Variants in DPYD observed in about 807,000 individuals in gnomAD.
DPYD encodes the protein dihydropyrimidine dehydrogenase [NADP(+)].
A neutral mutation model predicts 116.2 loss-of-function variants in DPYD; 109 were observed. The observed-to-expected ratio is 0.94, with a 90% CI of 0.80 to 1.10. The LOEUF is 1.10. Among genes scored for constraint, DPYD ranks in the 50% least tolerant of loss-of-function variants. The pLI is 0.00. For synonymous variants in DPYD, 440 were observed against 432.0 expected (o/e 1.02, Z -0.23); for missense variants, 1,302 against 1,254.5 (o/e 1.04, Z -0.57).
intron 12 of DPYD, among the ~76,000 whole-genome samples, chr1:97,522,908 T>A (rs1648789308): frequency 6.6e-6 from 1 of 152,198 alleles, no homozygotes; most frequent in Non-Finnish European, 1.5e-5. Flanking sequence ...TTATTTTTAA[T>A]ACAAAATGCT....
intron 8 of DPYD, among the ~76,000 whole-genome samples, chr1:97,629,923 A>G (rs1015851828): frequency 4.6e-5 from 7 of 152,102 alleles, no homozygotes; most frequent in Non-Finnish European, 1.0e-4. Context: ...TTTCTAAAAT[A>G]TCATAATTTC....
chr1:97,530,672 T>C (rs924080549), intron 12 of DPYD, among the ~76,000 whole-genome samples: 13 of 152,174 alleles, frequency 8.5e-5, no homozygotes, highest in Non-Finnish European at 1.5e-4. Flanking sequence ...CATATGATAG[T>C]TCTATTTTAA....
chr1:97,327,475 C>A (rs921273076), intron 16 of DPYD, among the ~76,000 whole-genome samples: 1 of 151,764 alleles, frequency 6.6e-6, no homozygotes, highest in East Asian at 1.9e-4. Flanking sequence ...GAAGCAAATA[C>A]CAACTTGAAT....
chr1:97,196,353 C>G (rs1478180941), intron 19 of DPYD, among the ~76,000 whole-genome samples: 1 of 152,052 alleles, frequency 6.6e-6, no homozygotes, highest in Non-Finnish European at 1.5e-5. Context: ...TGAGCTCAAG[C>G]AATCCGCCCA....
At chr1:97,689,548 C>T (rs1660903439) in intron 7 of DPYD, among the ~76,000 whole-genome samples, 1 of 151,972 alleles carries the variant, frequency 6.6e-6, no homozygotes, top group Non-Finnish European at 1.5e-5. Context: ...TACATACATA[C>T]ATATATAAGA....
chr1:97,874,860 GAT>G (rs1323109372), intron 2 of DPYD, among the ~76,000 whole-genome samples: 2 of 151,818 alleles, frequency 1.3e-5, no homozygotes, highest in Non-Finnish European at 2.9e-5. Context: ...AGATTTTTAA[GAT>G]ATGTTATTTT....
chr1:97,439,411 T>C (rs1421350596), intron 14 of DPYD, among the ~76,000 whole-genome samples: 1 of 152,232 alleles, frequency 6.6e-6, no homozygotes, highest in Non-Finnish European at 1.5e-5. Flanking sequence ...TTTTCTCTAA[T>C]GTTATCTATT....
At chr1:97,829,145 T>C (rs1669398529) in intron 2 of DPYD, among the ~76,000 whole-genome samples, 1 of 151,808 alleles carries the variant, frequency 6.6e-6, no homozygotes, top group Non-Finnish European at 1.5e-5. Context: ...GTATTACTTA[T>C]TTTTACAGAA....
chr1:97,628,161 A>C (rs1182003569), intron 8 of DPYD, among the ~76,000 whole-genome samples: 1 of 152,048 alleles, frequency 6.6e-6, no homozygotes, highest in African/African-American at 2.4e-5. Flanking sequence ...TCCTCTGATA[A>C]GTACTTGTTT....
At chr1:97,341,427 C>T (rs1002855132) in intron 16 of DPYD, among the ~76,000 whole-genome samples, 8 of 152,158 alleles carry the variant, frequency 5.3e-5, no homozygotes, top group Admixed American at 1.3e-4. Flanking sequence ...CCTTCTCTCT[C>T]CTAAAGTAAT....
intron 16 of DPYD, among the ~76,000 whole-genome samples, chr1:97,347,672 T>G (rs1669926430): frequency 6.6e-6 from 1 of 152,074 alleles, no homozygotes; most frequent in Admixed American, 6.6e-5. Context: ...TTTTATTGAC[T>G]GATTGTTTTT....
intron 1 of DPYD, among the ~76,000 whole-genome samples, chr1:97,912,252 G>A (rs921795363): frequency 1.2e-4 from 18 of 152,210 alleles, no homozygotes; most frequent in African/African-American, 3.9e-4. Context: ...ACTCTCAAGT[G>A]TATTTCCAGC....
intron 14 of DPYD, among the ~76,000 whole-genome samples, chr1:97,445,223 A>C: frequency 6.6e-6 from 1 of 152,208 alleles, no homozygotes; most frequent in South Asian, 2.1e-4. Flanking sequence ...CTTTCTCCTA[A>C]TAAGGGACTA....
chr1:97,316,989 C>T (rs1331736395), intron 16 of DPYD, among the ~76,000 whole-genome samples: 1 of 151,740 alleles, frequency 6.6e-6, no homozygotes, highest in Non-Finnish European at 1.5e-5. Context: ...CCTATCTTCA[C>T]AGGCAAACAA....
chr1:97,347,395 G>A (rs569709484), intron 16 of DPYD, among the ~76,000 whole-genome samples: 1 of 151,886 alleles, frequency 6.6e-6, no homozygotes, highest in South Asian at 2.1e-4. Context: ...TAATTTTTCT[G>A]CTTTAACTTG....
In DPYD at chr1:97,671,944, TTA is replaced by T. The variant is rs1398015200; in HGVS notation, c.850+7149_850+7150del. ...ATTTATTTATTTACGTATTTATCTA[TTA>T]TTTTTTTTTTTTTTTTGAGATGGTG... is the stretch of plus-strand genomic sequence containing the variant. On this transcript the variant is annotated intron_variant, in intron 8 of 22. Transcript: ENST00000370192. Among the ~76,000 whole-genome samples the T allele has an allele frequency of 6.7e-5, 10 of 148,624 alleles. No homozygotes were observed. In the South Asian group the frequency reaches 8.5e-4, roughly 13 times the overall value.
chr1:97,197,677 T>C (rs1414179402), intron 19 of DPYD, among the ~76,000 whole-genome samples: 1 of 152,146 alleles, frequency 6.6e-6, no homozygotes, highest in African/African-American at 2.4e-5. Flanking sequence ...TTGGGATCTT[T>C]TAACTGTAGA....
intron 10 of DPYD, among the ~76,000 whole-genome samples, chr1:97,588,932 C>T (rs1477025181): frequency 6.6e-6 from 1 of 152,174 alleles, no homozygotes; most frequent in East Asian, 1.9e-4. Flanking sequence ...TCTAATTAGA[C>T]AGCTGGAAAG....
At chr1:97,259,947 T>A (rs1663769855) in intron 18 of DPYD, among the ~76,000 whole-genome samples, 1 of 152,082 alleles carries the variant, frequency 6.6e-6, no homozygotes, top group Admixed American at 6.6e-5. Flanking sequence ...AACACTATAA[T>A]CACTTTATAG....
Sources: allele counts gnomAD v4.1 joint callset (sites outside exome capture counted in the v4.1 genomes callset), GRCh38; gene constraint gnomAD v4.1.1; transcripts MANE v1.5; gene names NCBI Gene and HGNC (gene_info 2026-07-23, HGNC 2026-07-21).